TECPR2: variants seen among roughly 807,000 people sequenced by gnomAD.
The protein encoded by TECPR2 is tectonin beta-propeller repeat containing 2, also known as tectonin beta-propeller repeat-containing protein 2.
In TECPR2, 65 loss-of-function variants were observed where a neutral mutation model predicts 138.1. The ratio of observed to expected loss-of-function variants is 0.47; its 90% confidence interval spans 0.39 to 0.58. The LOEUF (loss-of-function observed/expected upper bound fraction) is 0.58. Among genes scored for constraint, TECPR2 ranks in the 20% least tolerant of loss-of-function variants. TECPR2 has a pLI of 0.00. For missense variants in TECPR2, 1,553 were observed against 1,824.5 expected (o/e 0.85, Z 2.71); for synonymous variants, 746 against 749.8 (o/e 0.99, Z 0.08).
intron 2 of TECPR2, among the ~76,000 whole-genome samples, chr14:102,402,181 GAT>G (rs1449932739): frequency 6.6e-6 from 1 of 152,120 alleles, no homozygotes; most frequent in Non-Finnish European, 1.5e-5. Flanking sequence ...GATTTTAAAA[GAT>G]ATACAAAGTA....
intron 2 of TECPR2, among the ~76,000 whole-genome samples, chr14:102,398,072 C>CAAAAAAAAAAAAA (rs560266373): frequency 4.4e-5 from 2 of 45,784 alleles, no homozygotes; most frequent in African/African-American, 8.2e-5. Context: ...GATTCTGTCT[C>CAAAAAAAAAAAAA]AAAAAAAAAA....
intron 2 of TECPR2, among the ~76,000 whole-genome samples, chr14:102,388,461 A>G (rs2035455890): frequency 6.6e-6 from 1 of 152,200 alleles, no homozygotes; most frequent in African/African-American, 2.4e-5. Context: ...TGGGAGGCCA[A>G]GGTGGGCGGA....
intron 16 of TECPR2, among the ~76,000 whole-genome samples, chr14:102,462,687 T>C (rs115423110): frequency 6.6e-6 from 1 of 152,324 alleles, no homozygotes; most frequent in South Asian, 2.1e-4. Context: ...CTAATGGAGC[T>C]GCACACCTTT....
Position 102,385,823 on chromosome 14 carries a change from C to A in TECPR2, c.219+8883C>A, listed in dbSNP as rs569540008. The stretch of plus-strand genomic sequence containing the variant: ...TGATGGCGTGTACCTGTAGTCCCAG[C>A]TACTCAGGAGGCTCAGGTGGGAGGA... On this transcript the variant is annotated intron_variant, in intron 2 of 19. Transcript: ENST00000359520. 2.2e-4 allele frequency among the ~76,000 whole-genome samples: 33 copies of A among 151,936 alleles called. No individual in the cohort carries two copies. The East Asian group carries it at 6.0e-3, about 28-fold the overall frequency.
chr14:102,401,530 A>G (rs1167876579), intron 2 of TECPR2, among the ~76,000 whole-genome samples: 1 of 151,880 alleles, frequency 6.6e-6, no homozygotes, highest in African/African-American at 2.4e-5. Flanking sequence ...CTGTAATCCC[A>G]GCAGTTTGGG....
At chr14:102,446,784 CA>C (rs1340975728) in intron 13 of TECPR2, among the ~76,000 whole-genome samples, 2 of 152,148 alleles carry the variant, frequency 1.3e-5, no homozygotes, top group African/African-American at 4.8e-5. Context: ...AAATAATTTG[CA>C]AACTCTTTGT....
At chr14:102,388,106 G>T (rs1888063153) in intron 2 of TECPR2, among the ~76,000 whole-genome samples, 1 of 152,212 alleles carries the variant, frequency 6.6e-6, no homozygotes. Flanking sequence ...CAGCCAAGGT[G>T]CATTTGCCCA....
intron 2 of TECPR2, among the ~76,000 whole-genome samples, chr14:102,402,414 A>G (rs950112530): frequency 1.3e-5 from 2 of 152,214 alleles, no homozygotes; most frequent in Admixed American, 1.3e-4. Context: ...GGAGAAATTT[A>G]TAGCTTTAAA....
In TECPR2 at chr14:102,502,429, G is replaced by A. The variant is rs1183322966; in HGVS notation, c.*4172G>A. 6.6e-6 allele frequency: 1 copy of A among 152,614 alleles called. No homozygotes were observed. Among genetic ancestry groups the A allele is most frequent in the Non-Finnish European group, 1.5e-5 (1 of 68,034 alleles). The allele number at this position is 152,614 out of a possible 1,614,324, so 9.5% of individuals were successfully genotyped here. ...TTGTATCCTTTGAATTTCCAGCCAT[G>A]TAAATGTATTATTTATTCCAAAAAT... On this transcript the variant is annotated 3_prime_UTR_variant, in exon 20 of 20. Transcript: ENST00000359520.
chr14:102,471,749 A>AT (rs989055871), intron 17 of TECPR2, among the ~76,000 whole-genome samples: 3 of 151,894 alleles, frequency 2.0e-5, no homozygotes, highest in South Asian at 2.1e-4. Flanking sequence ...ATCTTCTCTC[A>AT]TTTTTTCTTA....
At chr14:102,424,041 A>G (rs1889251213) in intron 5 of TECPR2, among the ~76,000 whole-genome samples, 2 of 152,220 alleles carry the variant, frequency 1.3e-5, no homozygotes, top group Admixed American at 6.5e-5. Flanking sequence ...CAACTGGAAT[A>G]TATTCTGAGA....
intron 17 of TECPR2, among the ~76,000 whole-genome samples, chr14:102,496,536 C>T (rs1414381706): frequency 6.6e-6 from 1 of 152,234 alleles, no homozygotes; most frequent in Non-Finnish European, 1.5e-5. Flanking sequence ...TTCGGGAGGA[C>T]AGCTGTGCCT....
Position 102,499,425 on chromosome 14 carries a change from C to T in TECPR2, c.*1168C>T, listed in dbSNP as rs2139805973. The T allele has an allele frequency of 1.7e-6, 1 of 579,484 alleles. No individual in the cohort carries two copies. Among genetic ancestry groups the T allele is most frequent in the Non-Finnish European group, 3.1e-6 (1 of 324,166 alleles). The allele number at this position is 579,484 out of a possible 1,614,324, so 35.9% of individuals were successfully genotyped here. ...CGAAAACAGTGGAAGCCCTTTGTTC[C>T]TTCCCGGGTTTGTCCTGAGCCTGCA... On this transcript the variant is annotated 3_prime_UTR_variant, in exon 20 of 20. Transcript: ENST00000359520.
At position 102,432,047 on chromosome 14, in the gene TECPR2, G is replaced by A. The variant is rs746548822; in HGVS notation, c.1336G>A (p.Ala446Thr). 32 of 1,612,670 alleles carry A rather than the reference G, an allele frequency of 2.0e-5. 1 individual carries two copies. The highest frequency in any genetic ancestry group is 3.3e-4 in the Middle Eastern group (2 of 6,080). ...GSQPLSQRFN[A>T]ISSEDFDQEL... is the part of the protein sequence containing the mutation. The stretch of plus-strand genomic sequence containing the variant: ...CCAGCCCCTGTCACAGAGATTCAAC[G>A]CCATCAGCTCAGAGGACTTTGACCA... Residue 446 changes from alanine (A) to threonine (T), a missense_variant, in exon 8 of 20, where the codon GCC becomes ACC. Physicochemically the swap from Ala to Thr is moderately conservative, Grantham distance 58. Transcript: ENST00000359520.
intron 2 of TECPR2, among the ~76,000 whole-genome samples, chr14:102,382,925 T>A (rs1466025285): frequency 6.6e-6 from 1 of 151,924 alleles, no homozygotes; most frequent in East Asian, 1.9e-4. Context: ...CCCAGCTAAT[T>A]TTTTGTATTT....
chr14:102,399,135 G>T (rs532330130), intron 2 of TECPR2, among the ~76,000 whole-genome samples: 1 of 152,178 alleles, frequency 6.6e-6, no homozygotes, highest in Non-Finnish European at 1.5e-5. Context: ...TGGCGTATGT[G>T]CCTGTAATCC....
At chr14:102,427,381 G>C (rs994182691) in intron 6 of TECPR2, among the ~76,000 whole-genome samples, 2 of 152,166 alleles carry the variant, frequency 1.3e-5, no homozygotes, top group Non-Finnish European at 2.9e-5. Flanking sequence ...GGGACCGTCT[G>C]GGACAGATGT....
chr14:102,414,794 G>A lies in TECPR2; in HGVS notation c.638+1G>A. On this transcript the variant is annotated splice_donor_variant, in intron 5 of 19. Coordinates refer to ENST00000359520, the MANE Select transcript of TECPR2 (RefSeq NM_014844.5). LOFTEE classifies it high-confidence loss of function. ...AAATTGGAACACAACCAAGGAAAAGGTAAGTTTCACAAGTTTGCCAGTTTG... is the reference window on the plus strand; with the variant it reads ...AAATTGGAACACAACCAAGGAAAAGATAAGTTTCACAAGTTTGCCAGTTTG... 2 of 1,614,014 alleles carry A rather than the reference G, an allele frequency of 1.2e-6. No individual in the cohort carries two copies. The highest frequency in any genetic ancestry group is 2.2e-5 in the South Asian group (2 of 91,054).
intron 16 of TECPR2, among the ~76,000 whole-genome samples, chr14:102,457,607 G>A (rs1043246718): frequency 1.3e-5 from 2 of 152,068 alleles, no homozygotes; most frequent in Non-Finnish European, 2.9e-5. Context: ...TTACAAGTCA[G>A]CAGTGGGCCG....
Sources: gnomAD v4.1 joint callset for allele counts (sites outside exome capture counted in the v4.1 genomes callset) on GRCh38, gnomAD v4.1.1 for gene constraint, MANE v1.5 for transcripts, NCBI Gene and HGNC (gene_info 2026-07-23, HGNC 2026-07-21) for gene names.